The following PPP1CB variants were observed in gnomAD, a reference collection of about 807,000 sequenced individuals.
PPP1CB encodes protein phosphatase 1 catalytic subunit beta.
In PPP1CB, 2 loss-of-function variants were observed where a neutral mutation model predicts 43.7. The observed-to-expected ratio is 0.05, with a 90% CI of 0.02 to 0.14. The LOEUF (loss-of-function observed/expected upper bound fraction) is 0.14. Among genes scored for constraint, PPP1CB ranks in the 10% least tolerant of loss-of-function variants. PPP1CB has a pLI of 1.00. For missense variants in PPP1CB, 84 were observed against 398.0 expected (o/e 0.21, Z 6.71); for synonymous variants, 136 against 135.6 (o/e 1.00, Z -0.02).
intron 1 of PPP1CB, among the ~76,000 whole-genome samples, chr2:28,770,923 G>A (rs1666894438): frequency 6.6e-6 from 1 of 151,920 alleles, no homozygotes; most frequent in Admixed American, 6.6e-5. Context: ...TGCCATACTA[G>A]AGTATATAAC....
At chr2:28,775,405 G>A (rs369489052) in intron 1 of PPP1CB, among the ~76,000 whole-genome samples, 5 of 152,034 alleles carry the variant, frequency 3.3e-5, no homozygotes, top group African/African-American at 9.6e-5. Context: ...CACCGTGCCC[G>A]GCCTTTATTT....
At chr2:28,773,225 A>G (rs1042059446) in intron 1 of PPP1CB, among the ~76,000 whole-genome samples, 1 of 152,216 alleles carries the variant, frequency 6.6e-6, no homozygotes, top group Non-Finnish European at 1.5e-5. Context: ...AGTAGTAAGT[A>G]TGGTAGATAT....
intron 1 of PPP1CB, among the ~76,000 whole-genome samples, chr2:28,752,613 C>T (rs1434005769): frequency 6.6e-6 from 1 of 152,202 alleles, no homozygotes; most frequent in Non-Finnish European, 1.5e-5. Flanking sequence ...CCTTGGCTGC[C>T]TCCGATTGTC....
At chr2:28,785,128 G>A (rs1436856514) in intron 5 of PPP1CB, among the ~76,000 whole-genome samples, 2 of 132,132 alleles carry the variant, frequency 1.5e-5, no homozygotes, top group African/African-American at 2.8e-5. Context: ...AGGCTGGGGG[G>A]CAGTGGTGCA....
chr2:28,762,146 G>T (rs746013161), intron 1 of PPP1CB, among the ~76,000 whole-genome samples: 2 of 152,114 alleles, frequency 1.3e-5, no homozygotes, highest in Non-Finnish European at 2.9e-5. Flanking sequence ...TTAGCTGGGC[G>T]TGATGTCACA....
At chr2:28,764,943 C>G (rs1182633015) in intron 1 of PPP1CB, among the ~76,000 whole-genome samples, 2 of 151,912 alleles carry the variant, frequency 1.3e-5, no homozygotes, top group Non-Finnish European at 2.9e-5. Context: ...TATGAGACAC[C>G]GTGCATAGGT....
intron 1 of PPP1CB, among the ~76,000 whole-genome samples, chr2:28,773,697 TA>T (rs1666964613): frequency 6.6e-6 from 1 of 152,166 alleles, no homozygotes; most frequent in African/African-American, 2.4e-5. Flanking sequence ...TGAGAGTACA[TA>T]AAGGAGCAGG....
chr2:28,793,513 T>G (rs1667430212), intron 6 of PPP1CB, among the ~76,000 whole-genome samples: 1 of 152,166 alleles, frequency 6.6e-6, no homozygotes, highest in East Asian at 1.9e-4. Flanking sequence ...AAAATTAAAT[T>G]TAAAACTTAA....
intron 1 of PPP1CB, 31 bp downstream of exon 1, chr2:28,752,207 G>T: frequency 6.6e-7 from 1 of 1,521,154 alleles, no homozygotes; most frequent in Non-Finnish European, 8.9e-7. Flanking sequence ...GGGACAGAGG[G>T]AGGTCGGGCA....
intron 1 of PPP1CB, among the ~76,000 whole-genome samples, chr2:28,772,639 A>G (rs1225623371): frequency 2.0e-5 from 3 of 152,226 alleles, no homozygotes; most frequent in Non-Finnish European, 4.4e-5. Flanking sequence ...AGATATTGTC[A>G]TATGTTCATA....
At chr2:28,756,714 T>C (rs1436288143) in intron 1 of PPP1CB, among the ~76,000 whole-genome samples, 1 of 152,124 alleles carries the variant, frequency 6.6e-6, no homozygotes, top group Non-Finnish European at 1.5e-5. Flanking sequence ...TCTTGAACCC[T>C]TGTGCTCAAG....
chr2:28,799,361 TAA>T lies in PPP1CB; in HGVS notation c.*59_*60del. 7.3e-7 allele frequency: 1 copy of T among 1,377,896 alleles called. No individual in the cohort carries two copies. Among genetic ancestry groups the T allele is most frequent in the East Asian group, 2.3e-5 (1 of 42,986 alleles). 85.4% of individuals were successfully genotyped at this position (1,377,896 alleles called of 1,614,324 possible). A position where few individuals can be genotyped will look rare whatever the true frequency, so the allele number is the denominator to read the frequency against. ...TGTTAAGGACATACTTCATAATATA[TAA>T]GTGTGCACTGTAAAACCATCCAGCC... On this transcript the variant is annotated 3_prime_UTR_variant, in exon 8 of 8. Transcript: ENST00000395366.
intron 1 of PPP1CB, among the ~76,000 whole-genome samples, chr2:28,755,193 C>T (rs1170874846): frequency 6.6e-6 from 1 of 152,024 alleles, no homozygotes; most frequent in Admixed American, 6.6e-5. Flanking sequence ...GGGACTACAG[C>T]ATGCCACCAC....
intron 1 of PPP1CB, among the ~76,000 whole-genome samples, chr2:28,769,394 G>A (rs980428009): frequency 6.6e-6 from 1 of 152,132 alleles, no homozygotes; most frequent in Admixed American, 6.5e-5. Flanking sequence ...GTGCCACCAC[G>A]CCTGGCTAAT....
At chr2:28,787,967 C>G (rs1322684710) in intron 5 of PPP1CB, among the ~76,000 whole-genome samples, 2 of 151,966 alleles carry the variant, frequency 1.3e-5, no homozygotes, top group Admixed American at 6.6e-5. Context: ...AGGATCTGAT[C>G]TGATTTTGTT....
chr2:28,778,783 C>A (rs753909108), intron 2 of PPP1CB, 26 bp from the exon 3 acceptor site: 3 of 1,484,800 alleles, frequency 2.0e-6, no homozygotes, highest in Non-Finnish European at 2.8e-6. Context: ...ACCAATTTTT[C>A]TAAAACTGAC....
Position 28,752,087 on chromosome 2 carries a change from T to A in PPP1CB, c.-38T>A. ...GCAGCCTCCGCCGCCGAGAAGCCCTTGTTCCCGCTGCTGGGAAGGAGAGTC... is the reference window on the plus strand; with the variant it reads ...GCAGCCTCCGCCGCCGAGAAGCCCTAGTTCCCGCTGCTGGGAAGGAGAGTC... On this transcript the variant is annotated 5_prime_UTR_variant, in exon 1 of 8. Coordinates refer to ENST00000395366, the MANE Select transcript of PPP1CB (RefSeq NM_002709.3). 6.5e-7 allele frequency: 1 copy of A among 1,547,512 alleles called. No homozygotes were observed. Among genetic ancestry groups the A allele is most frequent in the Non-Finnish European group, 8.7e-7 (1 of 1,144,160 alleles).
rs1553311210 is a variant in PPP1CB, at chr2:28,784,931, AAAAG to A, written c.592+957_592+960del. Among the ~76,000 whole-genome samples, 11 of 119,368 alleles carry A rather than the reference AAAAG, an allele frequency of 9.2e-5. No individual in the cohort carries two copies. The South Asian group carries it at 2.6e-3, about 28-fold the overall frequency. 78.3% of individuals were successfully genotyped at this position (119,368 alleles called of 152,430 possible). A position where few individuals can be genotyped will look rare whatever the true frequency, so the allele number is the denominator to read the frequency against. On this transcript the variant is annotated intron_variant, in intron 5 of 7. Transcript: ENST00000395366. ...TGAAACTGTCTCAAAAAAAAAAAAA[AAAAG>A]AAAAAAGAAACAACAATCACCACAA... is the stretch of plus-strand genomic sequence containing the variant.
At chr2:28,794,389 A>G (rs768933989) in intron 7 of PPP1CB, among the ~76,000 whole-genome samples, 55 of 152,148 alleles carry the variant, frequency 3.6e-4, no homozygotes, top group Non-Finnish European at 7.4e-5. Flanking sequence ...TCAGATGAAA[A>G]TAAAGTAAAA....
Sources: gnomAD v4.1 joint callset for allele counts (sites outside exome capture counted in the v4.1 genomes callset) on GRCh38, gnomAD v4.1.1 for gene constraint, MANE v1.5 for transcripts, NCBI Gene and HGNC (gene_info 2026-07-23, HGNC 2026-07-21) for gene names.